The following PDE10A variants were observed in gnomAD, a reference collection of about 807,000 sequenced individuals.
PDE10A encodes phosphodiesterase 10A, also known as cAMP and cAMP-inhibited cGMP 3',5'-cyclic phosphodiesterase 10A.
A neutral mutation model predicts 97.7 loss-of-function variants in PDE10A; 39 were observed. The observed-to-expected ratio is 0.40, with a 90% CI of 0.31 to 0.52. The LOEUF (loss-of-function observed/expected upper bound fraction) is 0.52. Ranked by LOEUF, PDE10A falls within the 20% of genes least tolerant of loss-of-function variation. The probability of loss-of-function intolerance (pLI) is 0.56; values close to 1 mark genes in which losing one functional copy is unlikely to be tolerated. For missense variants in PDE10A, 731 were observed against 1,047.8 expected (o/e 0.70, Z 4.17); for synonymous variants, 371 against 376.8 (o/e 0.98, Z 0.18).
intron 2 of PDE10A, among the ~76,000 whole-genome samples, chr6:165,496,069 C>T (rs1158928532): frequency 2.6e-5 from 4 of 151,826 alleles, no homozygotes; most frequent in African/African-American, 7.3e-5. Context: ...AGGGTGGTTG[C>T]GGCAGTCTCC....
At chr6:165,451,573 C>G (rs1300938203) in intron 3 of PDE10A, among the ~76,000 whole-genome samples, 3 of 152,154 alleles carry the variant, frequency 2.0e-5, no homozygotes, top group South Asian at 2.1e-4. Flanking sequence ...TCTACCCTCA[C>G]TGTCACAACC....
intron 13 of PDE10A, among the ~76,000 whole-genome samples, chr6:165,406,673 T>G (rs537902789): frequency 6.6e-6 from 1 of 152,230 alleles, no homozygotes; most frequent in South Asian, 2.1e-4. Flanking sequence ...AGGTAGAGCA[T>G]GATTTCTGGG....
chr6:165,759,098 G>A (rs902645323), intron 1 of PDE10A, among the ~76,000 whole-genome samples: 3 of 152,170 alleles, frequency 2.0e-5, no homozygotes, highest in African/African-American at 4.8e-5. Context: ...CCCATAGCAG[G>A]GGTCCCAGGA....
rs1790288130 is a variant in PDE10A at position 165,661,930 on chromosome 6, G to T, written c.865+17C>A. 1.1e-6 allele frequency: 1 copy of T among 900,060 alleles called. No homozygotes were observed. The highest frequency in any genetic ancestry group is 1.8e-6 in the Non-Finnish European group (1 of 560,412). The allele number at this position is 900,060 out of a possible 1,614,324, so 55.8% of individuals were successfully genotyped here. ...GGAGCCGCCCCACCTCCGGGGAACG[G>T]GGAGCAGGCCACTTACTGGGGCTCA... On this transcript the variant is annotated intron_variant, in intron 1 of 21. Transcript: ENST00000539869. This position sits in a 1 kb window ranked among gnomAD's most constrained non-coding sequence, Gnocchi z 4.8.
rs1793165685 is a variant in PDE10A at position 165,758,352 on chromosome 6, T to C, written c.-614-214784A>G. Among the ~76,000 whole-genome samples the C allele has an allele frequency of 2.0e-5, 3 of 152,032 alleles. No individual in the cohort carries two copies. The South Asian group carries it at 6.2e-4, about 32-fold the overall frequency. On this transcript the variant is annotated intron_variant, in intron 1 of 19. Transcript: ENST00000366882. ...GGCGCATGCCTGTAATCCCAGCTAC[T>C]TGGGAGGCTGAGGCAGGAGAATTGC... is the stretch of plus-strand genomic sequence containing the variant.
At chr6:165,940,994 C>CA (rs1222714293) in intron 1 of PDE10A, among the ~76,000 whole-genome samples, 2 of 152,150 alleles carry the variant, frequency 1.3e-5, no homozygotes, top group Non-Finnish European at 2.9e-5. Context: ...CTGCTGCACG[C>CA]ACACTTCAAC....
intron 1 of PDE10A, among the ~76,000 whole-genome samples, chr6:165,870,322 T>C (rs1243704209): frequency 2.0e-5 from 3 of 152,084 alleles, no homozygotes; most frequent in African/African-American, 7.2e-5. Context: ...AAAGAAGACA[T>C]ACAAACGGCC....
At chr6:165,979,792 T>C (rs1034894551) in intron 1 of PDE10A, among the ~76,000 whole-genome samples, 47 of 152,200 alleles carry the variant, frequency 3.1e-4, no homozygotes, top group African/African-American at 1.1e-3. Flanking sequence ...TGTGCGAAAG[T>C]CACGACACTC....
intron 1 of PDE10A, among the ~76,000 whole-genome samples, chr6:165,958,728 A>AAAG: frequency 8.1e-5 from 1 of 12,370 alleles, no homozygotes; most frequent in African/African-American, 9.2e-4. Flanking sequence ...AGAAAGAAAG[A>AAAG]AAGAAAGAAA....
chr6:165,467,262 TC>T (rs1220546479), intron 3 of PDE10A, among the ~76,000 whole-genome samples: 1 of 152,208 alleles, frequency 6.6e-6, no homozygotes, highest in Non-Finnish European at 1.5e-5. Flanking sequence ...CAGCAAGTTA[TC>T]CAAAATATCT....
chr6:165,423,652 G>A (rs940039183), intron 10 of PDE10A, among the ~76,000 whole-genome samples: 4 of 152,066 alleles, frequency 2.6e-5, no homozygotes, highest in Non-Finnish European at 5.9e-5. Context: ...TGGATCACGA[G>A]GTCAAGAGAT....
intron 1 of PDE10A, among the ~76,000 whole-genome samples, chr6:165,674,748 G>A (rs1790747329): frequency 6.6e-6 from 1 of 152,150 alleles, no homozygotes; most frequent in Non-Finnish European, 1.5e-5. Flanking sequence ...AGGGCACGGA[G>A]GCAGAATGTG....
At chr6:165,404,889 C>A (rs1786997643) in intron 13 of PDE10A, among the ~76,000 whole-genome samples, 1 of 149,148 alleles carries the variant, frequency 6.7e-6, no homozygotes, top group Admixed American at 6.6e-5. Context: ...ACAAGGATTT[C>A]TTTCTGTTTC....
chr6:165,589,510 T>C (rs1480837481), intron 1 of PDE10A, among the ~76,000 whole-genome samples: 3 of 152,246 alleles, frequency 2.0e-5, no homozygotes, highest in Admixed American at 6.5e-5. Context: ...AACCTTTTTT[T>C]AAACTTTGAA....
intron 1 of PDE10A, among the ~76,000 whole-genome samples, chr6:165,970,510 ATC>A (rs79047187): frequency 0.13 from 20,403 of 152,164 alleles, 1,668 homozygotes; most frequent in African/African-American, 0.23. Context: ...AAATTTAAAT[ATC>A]TGTTTTTTAA....
chr6:165,395,595 GA>G (rs1357834933), intron 14 of PDE10A, among the ~76,000 whole-genome samples: 7 of 152,076 alleles, frequency 4.6e-5, no homozygotes, highest in Non-Finnish European at 2.9e-5. Context: ...GAAAAGGGGG[GA>G]AAAGCCTTTT....
At chr6:165,763,520 G>A (rs187482407) in intron 1 of PDE10A, among the ~76,000 whole-genome samples, 18 of 152,164 alleles carry the variant, frequency 1.2e-4, no homozygotes, top group South Asian at 4.2e-4. Context: ...ACACAGTTTC[G>A]TCATGTTGGC....
At chr6:165,981,187 T>C (rs1785003575) in intron 1 of PDE10A, among the ~76,000 whole-genome samples, 1 of 152,166 alleles carries the variant, frequency 6.6e-6, no homozygotes, top group Non-Finnish European at 1.5e-5. Context: ...CAAAAGGTGC[T>C]CTACATTATT....
intron 1 of PDE10A, among the ~76,000 whole-genome samples, chr6:165,552,773 C>T (rs990337107): frequency 2.0e-5 from 3 of 152,166 alleles, no homozygotes; most frequent in East Asian, 1.9e-4. Context: ...GTGAGTACTT[C>T]CAGCAAATCA....
Sources: gnomAD v4.1 joint callset for allele counts (sites outside exome capture counted in the v4.1 genomes callset) on GRCh38, gnomAD v4.1.1 for gene constraint, Gnocchi (gnomAD v3.1) non-coding constraint, MANE v1.5 for transcripts, NCBI Gene and HGNC (gene_info 2026-07-23, HGNC 2026-07-21) for gene names.